Variants in PCDHGA6 observed in about 807,000 individuals in gnomAD.
PCDHGA6 encodes protocadherin gamma subfamily A, 6.
In PCDHGA6, 41 loss-of-function variants were observed where a neutral mutation model predicts 60.6. That is an observed-to-expected ratio of 0.68 (90% CI 0.53 to 0.88). The LOEUF (loss-of-function observed/expected upper bound fraction) is 0.88. Among genes scored for constraint, PCDHGA6 ranks in the 40% least tolerant of loss-of-function variants. The pLI is 0.00. For missense variants in PCDHGA6, 1,312 were observed against 1,203.0 expected (o/e 1.09, Z -1.34); for synonymous variants, 594 against 524.4 (o/e 1.13, Z -1.81).
chr5:141,495,300 C>T (rs1249195819), intron 2 of PCDHGA6, among the ~76,000 whole-genome samples: 1 of 152,204 alleles, frequency 6.6e-6, no homozygotes, highest in Non-Finnish European at 1.5e-5. Context: ...AGCGCCTCCT[C>T]CAGAGCCTCC....
chr5:141,504,380 C>T (rs943816582), intron 2 of PCDHGA6, among the ~76,000 whole-genome samples: 1 of 152,088 alleles, frequency 6.6e-6, no homozygotes, highest in African/African-American at 2.4e-5. Flanking sequence ...GGTGGAGTCG[C>T]TGCCTCACAG....
Position 141,376,208 on chromosome 5 carries a change from A to G in PCDHGA6, c.2125A>G (p.Ile709Val). Reference sequence around the variant, plus strand: ...CTCCTGCGTCTTCCTGGCCTTCGTCATCGTGCTGCTGGCGCTCAGACTGCA... The same window carrying G: ...CTCCTGCGTCTTCCTGGCCTTCGTCGTCGTGCTGCTGGCGCTCAGACTGCA... ...AVSCVFLAFV[I>V]VLLALRLQRW... Residue 709 changes from isoleucine (I) to valine (V), a missense_variant, in exon 1 of 4, where the codon ATC (isoleucine) becomes GTC (valine). Transcript: ENST00000517434. 1 of 1,614,128 alleles carries G rather than the reference A, an allele frequency of 6.2e-7. No homozygotes were observed. Among genetic ancestry groups the G allele is most frequent in the Non-Finnish European group, 8.5e-7 (1 of 1,180,020 alleles).
intron 1 of PCDHGA6, chr5:141,384,838 C>G: frequency 6.2e-7 from 1 of 1,613,540 alleles, no homozygotes; most frequent in Non-Finnish European, 8.5e-7. Flanking sequence ...GGTGGCCGTC[C>G]AGGACCACGG....
chr5:141,426,756 G>A, intron 1 of PCDHGA6: 1 of 456,302 alleles, frequency 2.2e-6, no homozygotes. Context: ...ATCTGCTATA[G>A]ATGCAGATGT....
chr5:141,393,565 T>G, intron 1 of PCDHGA6: 1 of 1,613,912 alleles, frequency 6.2e-7, no homozygotes, highest in Non-Finnish European at 8.5e-7. Context: ...CGAGTGAAAG[T>G]CCTTGAGAAC....
intron 1 of PCDHGA6, chr5:141,389,470 C>T (rs776427212): frequency 1.2e-6 from 2 of 1,613,240 alleles, no homozygotes; most frequent in East Asian, 2.2e-5. Context: ...TTCGAACTCA[C>T]ACTGCAGGCC....
Position 141,485,286 on chromosome 5 carries a change from AG to A in PCDHGA6, c.2425-9520del. On this transcript the variant is annotated intron_variant, in intron 1 of 3. Coordinates refer to ENST00000517434, the MANE Select transcript of PCDHGA6 (RefSeq NM_018919.3). This position sits in a 1 kb window ranked among gnomAD's most constrained non-coding sequence, Gnocchi z 5.7. ...CAGATCCGCTACCCGGTCCCAGAGG[AG>A]TCACAGGAAGGGACTTTTGTAGGGA... The A allele has an allele frequency of 6.2e-7, 1 of 1,614,044 alleles. No homozygotes were observed. Among genetic ancestry groups the A allele is most frequent in the Non-Finnish European group, 8.5e-7 (1 of 1,179,928 alleles).
At chr5:141,378,101 A>C (rs1018772587) in intron 1 of PCDHGA6, 21 of 152,208 alleles carry the variant, frequency 1.4e-4, no homozygotes, top group Admixed American at 1.0e-3. Flanking sequence ...TCAAACTCTA[A>C]AGCAGCATAG....
At chr5:141,504,182 C>A (rs2099836345) in intron 2 of PCDHGA6, among the ~76,000 whole-genome samples, 1 of 152,234 alleles carries the variant, frequency 6.6e-6, no homozygotes, top group Non-Finnish European at 1.5e-5. Context: ...TCAAAAAAAT[C>A]ATGAAAATTG....
intron 2 of PCDHGA6, among the ~76,000 whole-genome samples, chr5:141,496,628 C>T (rs928402582): frequency 2.0e-5 from 3 of 152,212 alleles, no homozygotes; most frequent in Non-Finnish European, 2.9e-5. Flanking sequence ...GATCAAAAGG[C>T]TTGGGCTGCC....
chr5:141,511,182 C>A lies in PCDHGA6; in HGVS notation c.*9C>A. ...AGAAGGAGAAGAAGTAACATGGAGG[C>A]CAGGCCAAGAGCCACAGGGCGGCCT... is the stretch of plus-strand genomic sequence containing the variant. On this transcript the variant is annotated 3_prime_UTR_variant, in exon 4 of 4. Transcript: ENST00000517434. 6.2e-7 allele frequency: 1 copy of A among 1,614,022 alleles called. No homozygotes were observed. Among genetic ancestry groups the A allele is most frequent in the Non-Finnish European group, 8.5e-7 (1 of 1,179,946 alleles).
intron 1 of PCDHGA6, chr5:141,409,901 C>T (rs1157563397): frequency 6.2e-7 from 1 of 1,613,264 alleles, no homozygotes; most frequent in East Asian, 2.2e-5. Flanking sequence ...GTACCCAGCT[C>T]TGGGTCCTGA....
intron 1 of PCDHGA6, chr5:141,478,285 T>G (rs1468354835): frequency 6.2e-7 from 1 of 1,614,040 alleles, no homozygotes; most frequent in Non-Finnish European, 8.5e-7. Context: ...GGAAGCAGTC[T>G]AGAGACCTAT....
At chr5:141,495,356 C>A (rs889897990) in intron 2 of PCDHGA6, among the ~76,000 whole-genome samples, 3 of 152,222 alleles carry the variant, frequency 2.0e-5, no homozygotes, top group Non-Finnish European at 4.4e-5. Flanking sequence ...GGCAGCACAG[C>A]TGGAGGTGGA....
At chr5:141,507,704 G>A (rs989196400) in intron 3 of PCDHGA6, among the ~76,000 whole-genome samples, 5 of 152,210 alleles carry the variant, frequency 3.3e-5, no homozygotes, top group African/African-American at 9.6e-5. Context: ...AGTATTTATG[G>A]CCCCAAACCC....
intron 1 of PCDHGA6, among the ~76,000 whole-genome samples, chr5:141,402,769 C>T (rs1404796973): frequency 6.6e-6 from 1 of 152,196 alleles, no homozygotes; most frequent in Non-Finnish European, 1.5e-5. Context: ...GGACTCCATC[C>T]GGATTTCCAG....
rs2099612668 is a variant in PCDHGA6, at chr5:141,485,382, TGA to T, written c.2425-9424_2425-9423del. The T allele has an allele frequency of 6.2e-7, 1 of 1,613,538 alleles. No homozygotes were observed. The highest frequency in any genetic ancestry group is 8.5e-7 in the Non-Finnish European group (1 of 1,179,906). On this transcript the variant is annotated intron_variant, in intron 1 of 3. Coordinates refer to ENST00000517434, the MANE Select transcript of PCDHGA6 (RefSeq NM_018919.3). The surrounding 1 kb of genome is among the most constrained non-coding windows in gnomAD (Gnocchi z 5.7). ...CGCAGGCTGCAGGTCGCTGGAGAGG[TGA>T]ACCAAAGACACTTCCGTGTGGATTT...
At chr5:141,469,790 T>G (rs956670031) in intron 1 of PCDHGA6, among the ~76,000 whole-genome samples, 2 of 152,224 alleles carry the variant, frequency 1.3e-5, no homozygotes, top group African/African-American at 4.8e-5. Context: ...GCGTTATTTG[T>G]AATTGCAAAA....
Position 141,486,344 on chromosome 5 carries a change from G to C in PCDHGA6, c.2425-8463G>C. 6.2e-7 allele frequency: 1 copy of C among 1,614,062 alleles called. No homozygotes were observed. The highest frequency in any genetic ancestry group is 8.5e-7 in the Non-Finnish European group (1 of 1,180,022). On this transcript the variant is annotated intron_variant, in intron 1 of 3. Transcript: ENST00000517434. The surrounding 1 kb of genome is among the most constrained non-coding windows in gnomAD (Gnocchi z 5.0). Reference sequence around the variant, plus strand: ...CGGAGATGTGAGCCTCCGCATTCCTGACCACTTGCCATTTGCCCTCAAGTC... The same window carrying C: ...CGGAGATGTGAGCCTCCGCATTCCTCACCACTTGCCATTTGCCCTCAAGTC...
Sources: allele counts gnomAD v4.1 joint callset (sites outside exome capture counted in the v4.1 genomes callset), GRCh38; gene constraint gnomAD v4.1.1; non-coding constraint Gnocchi (gnomAD v3.1); transcripts MANE v1.5; gene names NCBI Gene and HGNC (gene_info 2026-07-23, HGNC 2026-07-21).